Variants in TTLL6 observed in about 807,000 individuals in gnomAD.
TTLL6 encodes the protein tubulin polyglutamylase TTLL6.
A neutral mutation model predicts 96.4 loss-of-function variants in TTLL6; 75 were observed. The ratio of observed to expected loss-of-function variants is 0.78; its 90% CI spans 0.65 to 0.94. The LOEUF is 0.94. Among genes scored for constraint, TTLL6 ranks in the 40% least tolerant of loss-of-function variants. The probability of loss-of-function intolerance (pLI) is 0.00; values close to 1 mark genes in which losing one functional copy is unlikely to be tolerated. For synonymous variants in TTLL6, 411 were observed against 419.4 expected (o/e 0.98, Z 0.24); for missense variants, 1,030 against 1,093.0 (o/e 0.94, Z 0.81).
chr17:48,782,958 C>T (rs1184891577), intron 13 of TTLL6, among the ~76,000 whole-genome samples: 1 of 152,082 alleles, frequency 6.6e-6, no homozygotes, highest in Non-Finnish European at 1.5e-5. Context: ...GGTGATCCAC[C>T]CACCTCGGCC....
chr17:48,768,617 G>C lies in TTLL6; in HGVS notation c.*372C>G, dbSNP rs2038665193. 2.1e-5 allele frequency among the ~76,000 whole-genome samples: 3 copies of C among 146,110 alleles called. No individual in the cohort carries two copies. In the South Asian group the frequency reaches 6.5e-4, roughly 32 times the overall value. On this transcript the variant is annotated intron_variant, in intron 15 of 15. Transcript: ENST00000393382. The stretch of plus-strand genomic sequence containing the variant: ...GACAGGGTCTTGCTATGTTGCCCAG[G>C]CTAGTCTTGAACCCCTTGCATCAAG...
At chr17:48,777,001 C>A (rs1436361820) in intron 13 of TTLL6, among the ~76,000 whole-genome samples, 2 of 133,404 alleles carry the variant, frequency 1.5e-5, no homozygotes, top group Non-Finnish European at 3.2e-5. Flanking sequence ...GTGGTATTGG[C>A]ATAAGGATAG....
At chr17:48,796,342 C>T (rs1367730181) in intron 7 of TTLL6, among the ~76,000 whole-genome samples, 196 bp from the exon 8 acceptor site, 2 of 152,216 alleles carry the variant, frequency 1.3e-5, no homozygotes, top group African/African-American at 2.4e-5. Flanking sequence ...TCCAATTCTG[C>T]TGGGCGTGGT....
At position 48,777,333 on chromosome 17, in the gene TTLL6, G is replaced by A. The variant is rs146361798; in HGVS notation, c.2041-7236C>T. Among the ~76,000 whole-genome samples the A allele has an allele frequency of 7.9e-5, 12 of 152,272 alleles. 1 individual carries two copies. Among genetic ancestry groups the A allele is most frequent in the South Asian group, 2.1e-4 (1 of 4,824 alleles). On this transcript the variant is annotated intron_variant, in intron 13 of 15. Coordinates refer to ENST00000393382, the MANE Select transcript of TTLL6 (RefSeq NM_001130918.3). Reference sequence around the variant, plus strand: ...GGAGTGGCCAGGTGCAGTGGTTCACGCCTGTAATCCCAGCACTTTGGGAGG... The same window carrying A: ...GGAGTGGCCAGGTGCAGTGGTTCACACCTGTAATCCCAGCACTTTGGGAGG...
chr17:48,766,915 G>A (rs529665870), intron 15 of TTLL6, among the ~76,000 whole-genome samples: 12 of 138,008 alleles, frequency 8.7e-5, no homozygotes, highest in East Asian at 6.5e-4. Flanking sequence ...CTTATTACCC[G>A]TATGTTTTTG....
chr17:48,769,303 GCACAAA>G, intron 14 of TTLL6, 49 bp from the exon 15 acceptor site: 1 of 1,536,300 alleles, frequency 6.5e-7, no homozygotes, highest in Non-Finnish European at 8.8e-7. Context: ...GCTGGATTCA[GCACAAA>G]TTCCTGGTGA....
chr17:48,813,173 C>T (rs557251968), intron 1 of TTLL6, among the ~76,000 whole-genome samples: 12 of 152,264 alleles, frequency 7.9e-5, no homozygotes, highest in East Asian at 3.9e-4. Context: ...CTTTTCCTCT[C>T]GGCAGGCCAT....
intron 13 of TTLL6, 108 bp from the exon 14 acceptor site, chr17:48,770,205 C>A: frequency 7.0e-7 from 1 of 1,435,120 alleles, no homozygotes; most frequent in South Asian, 1.6e-5. Flanking sequence ...CTATGCTGCC[C>A]AGGCTGGCCT....
intron 13 of TTLL6, among the ~76,000 whole-genome samples, chr17:48,771,633 AAT>A (rs1198007330): frequency 4.0e-5 from 6 of 150,690 alleles, no homozygotes; most frequent in Non-Finnish European, 4.4e-5. Context: ...CCCTGACTAA[AAT>A]ATATATATAA....
intron 1 of TTLL6, among the ~76,000 whole-genome samples, chr17:48,812,984 T>C (rs2039616413): frequency 6.6e-6 from 1 of 152,146 alleles, no homozygotes; most frequent in African/African-American, 2.4e-5. Flanking sequence ...GTAGCAGACA[T>C]TACACTAAAG....
intron 2 of TTLL6, chr17:48,804,362 C>T (rs2039471950): frequency 2.1e-6 from 1 of 484,624 alleles, no homozygotes; most frequent in Non-Finnish European, 4.1e-6. Flanking sequence ...TGGAGCAAGG[C>T]ATGGTGAAAT....
rs878969432 is a variant in TTLL6, at chr17:48,801,348, C to T, written c.518G>A (p.Arg173Gln). Residue 173 changes from arginine (R) to glutamine (Q), a missense_variant, in exon 5 of 16, where the codon CGG becomes CAG. Arg to Gln is a conservative substitution (Grantham distance 43). Transcript: ENST00000393382. ...CATGTTCCTGGCCAGCAAGTCCTTC[C>T]GGCAGATTTCACTCATCCCGGGGAA... ...NHFPGMSEICRKDLLARNMSR... is the reference protein window; with the variant it reads ...NHFPGMSEICQKDLLARNMSR... 33 of 1,551,476 alleles carry T rather than the reference C, an allele frequency of 2.1e-5. No individual in the cohort carries two copies. The highest frequency in any genetic ancestry group is 4.1e-5 in the African/African-American group (3 of 72,976).
At chr17:48,772,043 C>A (rs1165918988) in intron 13 of TTLL6, among the ~76,000 whole-genome samples, 1 of 151,888 alleles carries the variant, frequency 6.6e-6, no homozygotes, top group Non-Finnish European at 1.5e-5. Flanking sequence ...CCACTGCACT[C>A]CAGAAGCCTG....
chr17:48,774,784 T>C (rs1232266300), intron 13 of TTLL6, among the ~76,000 whole-genome samples: 1 of 152,118 alleles, frequency 6.6e-6, no homozygotes, highest in African/African-American at 2.4e-5. Context: ...AAAAAAGAAA[T>C]ATCCAGGCCC....
intron 9 of TTLL6, among the ~76,000 whole-genome samples, chr17:48,790,871 C>T (rs1039471972): frequency 6.6e-6 from 1 of 152,194 alleles, no homozygotes; most frequent in African/African-American, 2.4e-5. Context: ...ACCAGGAAAG[C>T]TTCTCCTCCT....
intron 13 of TTLL6, 39 bp from the exon 14 acceptor site, chr17:48,770,136 C>G: frequency 6.5e-7 from 1 of 1,548,212 alleles, no homozygotes; most frequent in East Asian, 2.3e-5. Flanking sequence ...CTGTGGAAAG[C>G]AAAGGGTTCC....
chr17:48,786,229 C>T lies in TTLL6; in HGVS notation c.1696G>A (p.Gly566Ser). 6.2e-7 allele frequency: 1 copy of T among 1,614,198 alleles called. No individual in the cohort carries two copies. Among genetic ancestry groups the T allele is most frequent in the East Asian group, 2.2e-5 (1 of 44,880 alleles). Reference protein sequence around the residue: ...ESAGEQVRKKGMRGWQQKQQQ... With the variant: ...ESAGEQVRKKSMRGWQQKQQQ... The stretch of plus-strand genomic sequence containing the variant: ...TGTTTCTGTTGCCAGCCCCTCATGC[C>T]CTTCTTTCTCACTTGCTCGCCTGCC... Residue 566 changes from glycine (G) to serine (S), a missense_variant, in exon 12 of 16, where the codon GGC (glycine) becomes AGC (serine). By Grantham distance (56) the Gly-to-Ser change is moderately conservative (BLOSUM62 0). Coordinates refer to ENST00000393382, the MANE Select transcript of TTLL6 (RefSeq NM_001130918.3).
chr17:48,767,183 A>G (rs555209532), intron 15 of TTLL6, among the ~76,000 whole-genome samples: 2 of 152,232 alleles, frequency 1.3e-5, no homozygotes, highest in South Asian at 4.1e-4. Flanking sequence ...GATTACAGGC[A>G]TGAGCCACCG....
chr17:48,801,573 T>C lies in TTLL6; in HGVS notation c.432A>G (p.Thr144=). 6.4e-7 allele frequency: 1 copy of C among 1,551,900 alleles called. No homozygotes were observed. The highest frequency in any genetic ancestry group is 8.7e-7 in the Non-Finnish European group (1 of 1,147,030). Residue 144 remains threonine, a synonymous_variant, in exon 4 of 16, where the codon ACA becomes ACG. Transcript: ENST00000393382. ...GEDDDWTLYW[T]DYSVSLERVM... ...CCCGCTCCAGTGACACTGAGTAATCTGTCCAATAGAGAGTCCAGTCATCGT... is the reference window on the plus strand; with the variant it reads ...CCCGCTCCAGTGACACTGAGTAATCCGTCCAATAGAGAGTCCAGTCATCGT...
Sources: gnomAD v4.1 joint callset for allele counts (sites outside exome capture counted in the v4.1 genomes callset) on GRCh38, gnomAD v4.1.1 for gene constraint, MANE v1.5 for transcripts, NCBI Gene and HGNC (gene_info 2026-07-23, HGNC 2026-07-21) for gene names.